VASH2: variants seen among roughly 807,000 people sequenced by gnomAD.
The protein encoded by VASH2 is tubulinyl-Tyr carboxypeptidase 2.
VASH2 carries 28 observed loss-of-function variants against 37.2 expected under a neutral mutation model. The ratio of observed to expected loss-of-function variants is 0.75; its 90% CI spans 0.56 to 1.03. The LOEUF is 1.03. Among genes scored for constraint, VASH2 ranks in the 50% least tolerant of loss-of-function variants. VASH2 has a pLI of 0.00. For synonymous variants in VASH2, 188 were observed against 174.7 expected (o/e 1.08, Z -0.60); for missense variants, 419 against 459.1 (o/e 0.91, Z 0.80).
rs973898869 is a variant in VASH2 at position 212,974,080 on chromosome 1, A to C, written c.995+10A>C. The stretch of plus-strand genomic sequence containing the variant: ...GCCGGCGAGAGAAGTCGTGAGTAAT[A>C]TTTCCTCTTCCCCAACTCAAAGCCC... On this transcript the variant is annotated intron_variant, in intron 7 of 7. Transcript: ENST00000517399. The C allele has an allele frequency of 1.2e-6, 2 of 1,606,110 alleles. No homozygotes were observed. Among genetic ancestry groups the C allele is most frequent in the Admixed American group, 3.4e-5 (2 of 59,386 alleles).
Position 212,951,926 on chromosome 1 carries a change from T to C in VASH2, c.276+108T>C. 7.8e-7 allele frequency: 1 copy of C among 1,290,242 alleles called. No individual in the cohort carries two copies. The highest frequency in any genetic ancestry group is 1.1e-6 in the Non-Finnish European group (1 of 949,768). 79.9% of individuals were successfully genotyped at this position (1,290,242 alleles called of 1,614,324 possible). On this transcript the variant is annotated intron_variant, in intron 2 of 7. Transcript: ENST00000517399. The surrounding 1 kb of genome is among the most constrained non-coding windows in gnomAD (Gnocchi z 4.4). ...CAGGCAATCTCCATTTTCCTAGTCC[T>C]GCTACAAACTCCCTTCCTCTCCCCA...
intron 7 of VASH2, among the ~76,000 whole-genome samples, chr1:212,977,555 G>A (rs1286924142): frequency 2.0e-4 from 30 of 152,020 alleles, no homozygotes; most frequent in Non-Finnish European, 2.9e-5. Context: ...TGGGGGAGAG[G>A]GTAGGGCAAA....
chr1:212,953,585 T>G (rs1666391527), intron 2 of VASH2, among the ~76,000 whole-genome samples: 2 of 152,146 alleles, frequency 1.3e-5, no homozygotes, highest in South Asian at 4.1e-4. Context: ...GGACTTGGAG[T>G]AAAAATCAAG....
rs978697701 is a variant in VASH2 at position 212,961,147 on chromosome 1, C to G, written c.277-19C>G. The G allele has an allele frequency of 3.7e-6, 6 of 1,613,772 alleles. No homozygotes were observed. In the African/African-American group the frequency reaches 8.0e-5, roughly 22 times the overall value. On this transcript the variant is annotated intron_variant, in intron 2 of 7. Coordinates refer to ENST00000517399, the MANE Select transcript of VASH2 (RefSeq NM_001301056.2). ...AGCGCCTCCTTCATAAACACCTCCT[C>G]TTCTCTATTTTTCTGCAGCCTTCAA...
At chr1:212,977,561 G>C (rs1451486998) in intron 7 of VASH2, among the ~76,000 whole-genome samples, 2 of 150,858 alleles carry the variant, frequency 1.3e-5, no homozygotes, top group Admixed American at 6.6e-5. Flanking sequence ...AGAGGGTAGG[G>C]CAAAGGAAGG....
rs908433394 is a variant in VASH2, at chr1:212,969,104, A to C, written c.497+2759A>C. On this transcript the variant is annotated intron_variant, in intron 5 of 7. Transcript: ENST00000517399. ...TCCTTCTGACATTTCAGAAAAGTGCAGGAAGGTGGAGAGCTTCAGTTCACG... is the reference window on the plus strand; with the variant it reads ...TCCTTCTGACATTTCAGAAAAGTGCCGGAAGGTGGAGAGCTTCAGTTCACG... 1.3e-4 allele frequency: 131 copies of C among 985,382 alleles called. No individual in the cohort carries two copies. In the Middle Eastern group the frequency reaches 3.7e-3, roughly 28 times the overall value. The allele number at this position is 985,382 out of a possible 1,614,324, so 61.0% of individuals were successfully genotyped here.
intron 7 of VASH2, chr1:212,974,916 G>C (rs886828987): frequency 3.3e-5 from 5 of 152,170 alleles, no homozygotes; most frequent in African/African-American, 1.2e-4. Flanking sequence ...CCATAAAAGA[G>C]TATCAAATGC....
Position 212,972,841 on chromosome 1 carries a change from C to G in VASH2, c.759C>G (p.Pro253=), listed in dbSNP as rs1189025706. Residue 253 remains proline, a synonymous_variant, in exon 6 of 8, where the codon CCC becomes CCG. Transcript: ENST00000517399. ...AGGTCAAGATTGGGCTGTACGTCCCCCATGAGCCTCATAGCTTCCAGCCCA... is the reference window on the plus strand; with the variant it reads ...AGGTCAAGATTGGGCTGTACGTCCCGCATGAGCCTCATAGCTTCCAGCCCA... ...VKKVKIGLYV[P]HEPHSFQPIE... 4 of 1,614,028 alleles carry G rather than the reference C, an allele frequency of 2.5e-6. No individual in the cohort carries two copies. In the African/African-American group the frequency reaches 5.3e-5, roughly 22 times the overall value.
intron 5 of VASH2, among the ~76,000 whole-genome samples, chr1:212,970,966 T>C (rs1034739614): frequency 2.6e-5 from 4 of 151,272 alleles, no homozygotes; most frequent in East Asian, 1.9e-4. Flanking sequence ...ACTCCCCATT[T>C]CCCCCCTCCA....
At position 212,965,643 on chromosome 1, in the gene VASH2, CA is replaced by C. The variant is rs1191314860; in HGVS notation, c.366-78del. 15 of 1,325,572 alleles carry C rather than the reference CA, an allele frequency of 1.1e-5. No individual in the cohort carries two copies. In the East Asian group the frequency reaches 2.3e-4, roughly 20 times the overall value. 82.1% of individuals were successfully genotyped at this position (1,325,572 alleles called of 1,614,324 possible). A position where few individuals can be genotyped will look rare whatever the true frequency, so the allele number is the denominator to read the frequency against. On this transcript the variant is annotated intron_variant, in intron 3 of 7. Coordinates refer to ENST00000517399, the MANE Select transcript of VASH2 (RefSeq NM_001301056.2). ...TCACATCCTCATCTCATTGAGAAAT[CA>C]GAATGCATAGCTTTCTCTGCCACAT...
At chr1:212,956,837 C>G (rs182242075) in intron 2 of VASH2, among the ~76,000 whole-genome samples, 1 of 152,104 alleles carries the variant, frequency 6.6e-6, no homozygotes, top group Non-Finnish European at 1.5e-5. Flanking sequence ...ATTGTCTTTT[C>G]GTGGCTCTTA....
chr1:212,969,043 CAG>C, intron 5 of VASH2: 1 of 985,462 alleles, frequency 1.0e-6, no homozygotes, highest in Non-Finnish European at 1.2e-6. Context: ...CTGTCCAAAT[CAG>C]AGACAGTGTG....
At position 212,951,684 on chromosome 1, in the gene VASH2, C is replaced by G; in HGVS notation, c.142C>G (p.Leu48Val). 3 of 1,599,402 alleles carry G rather than the reference C, an allele frequency of 1.9e-6. No individual in the cohort carries two copies. Among genetic ancestry groups the G allele is most frequent in the Non-Finnish European group, 2.6e-6 (3 of 1,174,204 alleles). ...GGAGGAGGACAAAGACGGCGGGGTG[C>G]TGTTCCACGTCAACAAGAGCGGCTT... is the stretch of plus-strand genomic sequence containing the variant. The part of the protein sequence containing the change: ...SEEEDKDGGV[L>V]FHVNKSGFPI... The change falls in exon 2 of 8, where the codon CTG becomes GTG. Residue 48 changes from leucine to valine, a missense_variant. By Grantham distance (32) the Leu-to-Val change is conservative (BLOSUM62 1). Transcript: ENST00000517399. The surrounding 1 kb of genome is among the most constrained non-coding windows in gnomAD (Gnocchi z 4.4).
chr1:212,988,404 A>G, intron 7 of VASH2, 108 bp from the exon 8 acceptor site: 2 of 1,141,520 alleles, frequency 1.8e-6, no homozygotes, highest in South Asian at 2.6e-5. Flanking sequence ...GGAGGATGAG[A>G]CAAATATCAG....
Position 212,988,838 on chromosome 1 carries a change from C to A in VASH2, c.*254C>A. 2.2e-6 allele frequency: 1 copy of A among 446,704 alleles called. No individual in the cohort carries two copies. The highest frequency in any genetic ancestry group is 4.1e-6 in the Non-Finnish European group (1 of 243,176). The allele number at this position is 446,704 out of a possible 1,614,324, so 27.7% of individuals were successfully genotyped here. A position where few individuals can be genotyped will look rare whatever the true frequency, so the allele number is the denominator to read the frequency against. ...CCTCACTCAAGATCTTAAGGATAAC[C>A]GTAACTGAAGTTTTATATTTTTCCA... On this transcript the variant is annotated 3_prime_UTR_variant, in exon 8 of 8. Coordinates refer to ENST00000517399, the MANE Select transcript of VASH2 (RefSeq NM_001301056.2).
At chr1:212,960,131 C>T (rs1666628288) in intron 2 of VASH2, among the ~76,000 whole-genome samples, 1 of 152,250 alleles carries the variant, frequency 6.6e-6, no homozygotes, top group Non-Finnish European at 1.5e-5. Flanking sequence ...TCTGTTCTTG[C>T]TCTTGGCCTT....
At chr1:212,982,124 C>T (rs1298368668) in intron 7 of VASH2, among the ~76,000 whole-genome samples, 2 of 152,194 alleles carry the variant, frequency 1.3e-5, no homozygotes, top group Non-Finnish European at 1.5e-5. Flanking sequence ...CAGCTGGCTC[C>T]GGGAATGCAG....
chr1:212,972,159 G>A (rs934111429), intron 5 of VASH2, among the ~76,000 whole-genome samples: 5 of 152,150 alleles, frequency 3.3e-5, no homozygotes, highest in Non-Finnish European at 5.9e-5. Context: ...GACTTGGGGC[G>A]GGGCAGGGAG....
chr1:212,972,444 C>G lies in VASH2; in HGVS notation c.498-136C>G, dbSNP rs765272539. 1.3e-5 allele frequency: 13 copies of G among 1,012,298 alleles called. No individual in the cohort carries two copies. The African/African-American group carries it at 1.9e-4, about 15-fold the overall frequency. 62.7% of individuals were successfully genotyped at this position (1,012,298 alleles called of 1,614,324 possible). On this transcript the variant is annotated intron_variant, in intron 5 of 7. Transcript: ENST00000517399. Reference sequence around the variant, plus strand: ...GCGAATCCTTTATAAAAGGATTAGTCTGGAAAAGTTAGATGTGGGCCTGCT... The same window carrying G: ...GCGAATCCTTTATAAAAGGATTAGTGTGGAAAAGTTAGATGTGGGCCTGCT...
Sources: allele counts gnomAD v4.1 joint callset (sites outside exome capture counted in the v4.1 genomes callset), GRCh38; gene constraint gnomAD v4.1.1; non-coding constraint Gnocchi (gnomAD v3.1); transcripts MANE v1.5; gene names NCBI Gene and HGNC (gene_info 2026-07-23, HGNC 2026-07-21).